Variants in PLA2G4D observed in about 807,000 individuals in gnomAD.
PLA2G4D encodes the protein phospholipase A2 group IVD.
Under a neutral mutation model 94.4 loss-of-function variants are expected in PLA2G4D, and 80 were observed. That is an observed-to-expected ratio of 0.85 (90% CI 0.71 to 1.02). PLA2G4D has a LOEUF of 1.02. Ranked by LOEUF, PLA2G4D falls within the 50% of genes least tolerant of loss-of-function variation. The pLI is 0.00. For synonymous variants in PLA2G4D, 438 were observed against 440.9 expected (o/e 0.99, Z 0.08); for missense variants, 1,050 against 1,034.7 (o/e 1.01, Z -0.20).
chr15:42,082,431 A>G (rs942313073), intron 8 of PLA2G4D, 42 bp from the exon 9 acceptor site: 2 of 1,357,900 alleles, frequency 1.5e-6, no homozygotes, highest in East Asian at 2.3e-5. Flanking sequence ...CATTCATTCA[A>G]CAAATCCCTA....
At chr15:42,068,989 A>C in intron 19 of PLA2G4D, 48 bp from the exon 20 acceptor site, 2 of 1,536,784 alleles carry the variant, frequency 1.3e-6, no homozygotes, top group Non-Finnish European at 1.8e-6. Context: ...CGGGGCTTCT[A>C]CAGCCTGGCA....
Position 42,074,245 on chromosome 15 carries a change from G to A in PLA2G4D, c.1318-1853C>T, listed in dbSNP as rs191637861. Reference sequence around the variant, plus strand: ...ATCTAATGGCTCACCAGTAAGCTGCGGCAGGACTCTCAGTCTCTAACCCCC... The same window carrying A: ...ATCTAATGGCTCACCAGTAAGCTGCAGCAGGACTCTCAGTCTCTAACCCCC... On this transcript the variant is annotated intron_variant, in intron 13 of 19. Coordinates refer to ENST00000290472, the MANE Select transcript of PLA2G4D (RefSeq NM_178034.4). Among the ~76,000 whole-genome samples the A allele has an allele frequency of 4.5e-4, 69 of 152,192 alleles. 1 individual carries two copies. The East Asian group carries it at 0.013, about 29-fold the overall frequency.
intron 19 of PLA2G4D, among the ~76,000 whole-genome samples, chr15:42,069,178 A>G (rs557427899): frequency 6.6e-6 from 1 of 152,296 alleles, no homozygotes; most frequent in East Asian, 1.9e-4. Context: ...CCCTTAGGCT[A>G]TTCAGGCAGC....
At chr15:42,085,183 C>T (rs1386437029) in intron 5 of PLA2G4D, 45 bp from the exon 6 acceptor site, 3 of 1,610,672 alleles carry the variant, frequency 1.9e-6, no homozygotes. Context: ...CCTGCATTGA[C>T]CTCCCGCTCC....
intron 4 of PLA2G4D, 80 bp downstream of exon 4, chr15:42,086,133 A>G: frequency 4.2e-6 from 6 of 1,417,376 alleles, no homozygotes; most frequent in Non-Finnish European, 5.8e-6. Context: ...GCCTCCCAAC[A>G]GGTGGGAGAA....
chr15:42,083,503 C>A (rs947245757), intron 7 of PLA2G4D, among the ~76,000 whole-genome samples, 169 bp from the exon 8 acceptor site: 2 of 152,184 alleles, frequency 1.3e-5, no homozygotes, highest in African/African-American at 2.4e-5. Flanking sequence ...CACAACCCCC[C>A]ATCCCGGACT....
chr15:42,069,646 G>C (rs898992886), intron 19 of PLA2G4D, among the ~76,000 whole-genome samples: 3 of 152,050 alleles, frequency 2.0e-5, no homozygotes, highest in African/African-American at 7.2e-5. Flanking sequence ...GGGGGTACTA[G>C]GGCAAGTGGA....
At position 42,072,163 on chromosome 15, in the gene PLA2G4D, C is replaced by T. The variant is rs148922506; in HGVS notation, c.1435+112G>A. 4.3e-3 allele frequency: 4,756 copies of T among 1,103,308 alleles called. 13 individuals carry two copies. The highest frequency in any genetic ancestry group is 6.1e-3 in the Admixed American group (322 of 52,846). 68.3% of individuals were successfully genotyped at this position (1,103,308 alleles called of 1,614,324 possible). On this transcript the variant is annotated intron_variant, in intron 14 of 19. Transcript: ENST00000290472. ...GAGCCCCTCAGCACCACTGCCCTTC[C>T]GGAACATTGGGCAATCTGTGCGGAG...
intron 1 of PLA2G4D, 36 bp downstream of exon 1, chr15:42,094,379 C>G (rs752045245): frequency 6.2e-7 from 1 of 1,612,878 alleles, no homozygotes; most frequent in Non-Finnish European, 8.5e-7. Context: ...CAGGCCTGCC[C>G]TGACTGGTGC....
At chr15:42,073,963 A>G (rs1044389072) in intron 13 of PLA2G4D, among the ~76,000 whole-genome samples, 2 of 152,124 alleles carry the variant, frequency 1.3e-5, no homozygotes, top group Non-Finnish European at 2.9e-5. Flanking sequence ...AATTACAGGG[A>G]ATTTGCAGGA....
At chr15:42,087,185 C>T in intron 3 of PLA2G4D, 115 bp downstream of exon 3, 1 of 1,364,260 alleles carries the variant, frequency 7.3e-7, no homozygotes, top group Non-Finnish European at 1.0e-6. Flanking sequence ...ACAGAGACCC[C>T]CTACTGCTGA....
chr15:42,070,321 A>T (rs1889779450), intron 18 of PLA2G4D: 3 of 534,696 alleles, frequency 5.6e-6, no homozygotes, highest in Non-Finnish European at 9.6e-6. Context: ...GGTCAGACCC[A>T]TCCCCCAGCC....
chr15:42,087,336 A>T lies in PLA2G4D; in HGVS notation c.219T>A (p.Asn73Lys). ...TLTDTSHPVW[N>K]EAFRFLIQSQ... ...TTTGGATAAGGAAACGGAAGGCCTC[A>T]TTCCACACAGGATGACTGGTGTCGG... Residue 73 changes from asparagine (N) to lysine (K), a missense_variant, in exon 3 of 20, where the codon AAT becomes AAA. By Grantham distance (94) the Asn-to-Lys change is moderately conservative (BLOSUM62 0). Transcript: ENST00000290472. 1 of 1,614,142 alleles carries T rather than the reference A, an allele frequency of 6.2e-7. No individual in the cohort carries two copies. Among genetic ancestry groups the T allele is most frequent in the East Asian group, 2.2e-5 (1 of 44,884 alleles).
intron 3 of PLA2G4D, 114 bp downstream of exon 3, chr15:42,087,186 C>A: frequency 1.4e-6 from 2 of 1,392,910 alleles, no homozygotes; most frequent in Non-Finnish European, 2.0e-6. Context: ...CAGAGACCCC[C>A]TACTGCTGAG....
Position 42,087,326 on chromosome 15 carries a change from G to T in PLA2G4D, c.229C>A (p.Arg77Ser). Residue 77 changes from arginine (R) to serine (S), a missense_variant, in exon 3 of 20, where the codon CGT (arginine) becomes AGT (serine). Transcript: ENST00000290472. Reference protein sequence around the residue: ...TSHPVWNEAFRFLIQSQVKNV... With the variant: ...TSHPVWNEAFSFLIQSQVKNV... Reference sequence around the variant, plus strand: ...TTGACCTGACTTTGGATAAGGAAACGGAAGGCCTCATTCCACACAGGATGA... The same window carrying T: ...TTGACCTGACTTTGGATAAGGAAACTGAAGGCCTCATTCCACACAGGATGA... 4 of 1,614,174 alleles carry T rather than the reference G, an allele frequency of 2.5e-6. No individual in the cohort carries two copies.
At chr15:42,079,433 T>C (rs761317866) in intron 13 of PLA2G4D, 104 bp downstream of exon 13, 116 of 1,152,636 alleles carry the variant, frequency 1.0e-4, no homozygotes, top group Non-Finnish European at 1.3e-4. Context: ...CACTGGCTCT[T>C]CCACGCTGCA....
rs1889771869 is a variant in PLA2G4D, at chr15:42,070,043, CG to C, written c.2095del (p.Arg699GlyfsTer73). 3.3e-6 allele frequency: 5 copies of C among 1,518,872 alleles called. No homozygotes were observed. Among genetic ancestry groups the C allele is most frequent in the Admixed American group, 4.3e-5 (2 of 46,158 alleles). The allele number at this position is 1,518,872 out of a possible 1,614,324, so 94.1% of individuals were successfully genotyped here. A position where few individuals can be genotyped will look rare whatever the true frequency, so the allele number is the denominator to read the frequency against. On this transcript the variant is annotated frameshift_variant, in exon 19 of 20. Coordinates refer to ENST00000290472, the MANE Select transcript of PLA2G4D (RefSeq NM_178034.4). LOFTEE classifies it high-confidence loss of function. ...CTGGTCCTGAGGGCTGGGTTCCACC[CG>C]GGGGAAGGGCAGCCCCCGGGCCCGG... ...YCRARGLPFP[R>X]VEPSPQDQHQ...
At chr15:42,072,233 T>G in intron 14 of PLA2G4D, 42 bp downstream of exon 14, 1 of 1,522,350 alleles carries the variant, frequency 6.6e-7, no homozygotes, top group Non-Finnish European at 9.1e-7. Context: ...GCAGAGGGTT[T>G]GGGGGGTGGA....
At chr15:42,090,794 C>T (rs766262498) in intron 1 of PLA2G4D, among the ~76,000 whole-genome samples, 1 of 152,174 alleles carries the variant, frequency 6.6e-6, no homozygotes, top group Non-Finnish European at 1.5e-5. Context: ...CAGCCTTCGC[C>T]AGGGAGATGA....
Sources: allele counts gnomAD v4.1 joint callset (sites outside exome capture counted in the v4.1 genomes callset), GRCh38; gene constraint gnomAD v4.1.1; transcripts MANE v1.5; gene names NCBI Gene and HGNC (gene_info 2026-07-23, HGNC 2026-07-21).